Variants in YTHDC2 observed in about 807,000 individuals in gnomAD.
YTHDC2 encodes YTH N6-methyladenosine RNA binding protein C2, also known as 3'-5' RNA helicase YTHDC2.
A neutral mutation model predicts 174.9 loss-of-function variants in YTHDC2; 45 were observed. The observed-to-expected ratio is 0.26, with a 90% CI of 0.20 to 0.33. The LOEUF is 0.33. YTHDC2 is among the 10% of genes least tolerant of loss of function. The pLI is 1.00. For missense variants in YTHDC2, 1,650 were observed against 1,723.7 expected (o/e 0.96, Z 0.76); for synonymous variants, 657 against 574.5 (o/e 1.14, Z -2.05).
intron 20 of YTHDC2, chr5:113,565,589 A>G (rs750045684): frequency 1.0e-5 from 2 of 195,436 alleles, no homozygotes; most frequent in Non-Finnish European, 1.0e-5. Context: ...TTGAAAACCT[A>G]TACTTTTGTA....
At chr5:113,535,380 T>C (rs1774983322) in intron 6 of YTHDC2, among the ~76,000 whole-genome samples, 1 of 152,074 alleles carries the variant, frequency 6.6e-6, no homozygotes, top group South Asian at 2.1e-4. Flanking sequence ...GACTTGAGCA[T>C]CCATGAATTT....
chr5:113,548,857 A>AT, intron 11 of YTHDC2, 98 bp from the exon 12 acceptor site: 1 of 1,240,974 alleles, frequency 8.1e-7, no homozygotes, highest in Non-Finnish European at 1.1e-6. Context: ...TTATTTAAAA[A>AT]TTTTTTTGAA....
chr5:113,563,176 G>T (rs184905502), intron 18 of YTHDC2, among the ~76,000 whole-genome samples, 197 bp from the exon 19 acceptor site: 1 of 152,102 alleles, frequency 6.6e-6, no homozygotes, highest in East Asian at 1.9e-4. Context: ...ATTGAAGAGG[G>T]TATTTATTAA....
intron 2 of YTHDC2, among the ~76,000 whole-genome samples, chr5:113,523,600 A>T (rs1774021324): frequency 6.6e-6 from 1 of 152,168 alleles, no homozygotes; most frequent in African/African-American, 2.4e-5. Flanking sequence ...TCTTTATAGC[A>T]TCATTTTAAG....
At chr5:113,544,405 T>C (rs1305558316) in intron 10 of YTHDC2, among the ~76,000 whole-genome samples, 1 of 152,104 alleles carries the variant, frequency 6.6e-6, no homozygotes, top group East Asian at 1.9e-4. Flanking sequence ...TGCCTCAGCC[T>C]CCCAAAGTGC....
At chr5:113,543,968 CT>C (rs887670790) in intron 10 of YTHDC2, among the ~76,000 whole-genome samples, 13 of 152,120 alleles carry the variant, frequency 8.5e-5, no homozygotes, top group African/African-American at 3.1e-4. Context: ...CCTTACTCTC[CT>C]TTATTATTCT....
chr5:113,565,165 A>G (rs1777247320), intron 20 of YTHDC2, among the ~76,000 whole-genome samples: 1 of 152,230 alleles, frequency 6.6e-6, no homozygotes, highest in African/African-American at 2.4e-5. Flanking sequence ...TCTTTTTCAG[A>G]CACAGAAGAT....
intron 2 of YTHDC2, among the ~76,000 whole-genome samples, chr5:113,523,253 T>C (rs1347242375): frequency 6.6e-6 from 1 of 152,164 alleles, no homozygotes; most frequent in African/African-American, 2.4e-5. Flanking sequence ...CTTAAAAATA[T>C]GAAGTTTTTA....
Position 113,593,449 on chromosome 5 carries a change from ATTAT to A in YTHDC2, c.*8-28_*8-25del, listed in dbSNP as rs1561719212. On this transcript the variant is annotated intron_variant, in intron 29 of 29. Coordinates refer to ENST00000161863, the MANE Select transcript of YTHDC2 (RefSeq NM_022828.5). ...TTTGTGATCATTAGGAACCTTTCAG[ATTAT>A]TTATCTTTTTTTTTCCCCTTTCTTC... 7 of 1,343,428 alleles carry A rather than the reference ATTAT, an allele frequency of 5.2e-6. No individual in the cohort carries two copies. The Middle Eastern group carries it at 5.5e-4, about 107-fold the overall frequency. The allele number at this position is 1,343,428 out of a possible 1,614,324, so 83.2% of individuals were successfully genotyped here.
rs113437702 is a variant in YTHDC2 at position 113,513,922 on chromosome 5, G to A, written c.27G>A (p.Pro9=). MSRPSSVS[P]RQPAPGGGGG... is the part of the protein sequence containing the mutation. ...TGTCCAGGCCGAGCAGCGTCTCCCC[G>A]CGGCAGCCGGCTCCTGGCGGTGGCG... Residue 9 remains proline, a synonymous_variant, in exon 1 of 30, where the codon CCG becomes CCA. Transcript: ENST00000161863. The A allele has an allele frequency of 1.2e-6, 2 of 1,605,452 alleles. No homozygotes were observed. Among genetic ancestry groups the A allele is most frequent in the Non-Finnish European group, 1.7e-6 (2 of 1,176,642 alleles).
intron 14 of YTHDC2, 25 bp downstream of exon 14, chr5:113,553,711 T>C: frequency 6.2e-7 from 1 of 1,613,018 alleles, no homozygotes; most frequent in Non-Finnish European, 8.5e-7. Flanking sequence ...CTTATATCTG[T>C]TGCTTAAAAT....
At chr5:113,566,589 A>T (rs1317434378) in intron 21 of YTHDC2, among the ~76,000 whole-genome samples, 3 of 152,004 alleles carry the variant, frequency 2.0e-5, no homozygotes, top group African/African-American at 7.2e-5. Flanking sequence ...GAAGTGCCAG[A>T]GTAATATAAG....
intron 4 of YTHDC2, among the ~76,000 whole-genome samples, chr5:113,527,855 C>A (rs796381479): frequency 6.6e-6 from 1 of 152,048 alleles, no homozygotes; most frequent in Admixed American, 6.5e-5. Context: ...GTGGTGCTAT[C>A]TCGGCTTACT....
At position 113,559,442 on chromosome 5, in the gene YTHDC2, A is replaced by G. The variant is rs1776819076; in HGVS notation, c.2217-1638A>G. Among the ~76,000 whole-genome samples the G allele has an allele frequency of 2.0e-5, 3 of 152,222 alleles. No homozygotes were observed. In the South Asian group the frequency reaches 6.2e-4, roughly 32 times the overall value. ...CACATTTATGGTGACAGTGCCCTGA[A>G]GAAATCAACAGTTTACAAATGGATA... On this transcript the variant is annotated intron_variant, in intron 17 of 29. Transcript: ENST00000161863.
In YTHDC2 at chr5:113,595,278, C is replaced by G. The variant is rs1035492258; in HGVS notation, c.*1804C>G. 9.2e-5 allele frequency: 14 copies of G among 151,946 alleles called. No homozygotes were observed. The highest frequency in any genetic ancestry group is 3.4e-4 in the African/African-American group (14 of 41,416). The allele number at this position is 151,946 out of a possible 1,614,324, so 9.4% of individuals were successfully genotyped here. A position where few individuals can be genotyped will look rare whatever the true frequency, so the allele number is the denominator to read the frequency against. On this transcript the variant is annotated 3_prime_UTR_variant, in exon 30 of 30. Transcript: ENST00000161863. The stretch of plus-strand genomic sequence containing the variant: ...TAAATATACTTATTAAAATGAAATT[C>G]TATTAAGTTTTTCAGATCTTATTTC...
chr5:113,588,123 C>T (rs1191662265), intron 26 of YTHDC2, among the ~76,000 whole-genome samples: 1 of 151,964 alleles, frequency 6.6e-6, no homozygotes, highest in African/African-American at 2.4e-5. Flanking sequence ...TTTATTAATT[C>T]TATTAGCTTT....
intron 4 of YTHDC2, 149 bp from the exon 5 acceptor site, chr5:113,532,730 G>T: frequency 1.7e-6 from 1 of 594,574 alleles, no homozygotes; most frequent in Non-Finnish European, 2.7e-6. Flanking sequence ...TTTTTTAGCT[G>T]ATTACTAGTT....
chr5:113,579,893 T>A (rs1256513177), intron 24 of YTHDC2, 198 bp downstream of exon 24: 1 of 985,284 alleles, frequency 1.0e-6, no homozygotes, highest in African/African-American at 1.7e-5. Flanking sequence ...GAAAACCTAG[T>A]TGTGGCTCAT....
At position 113,513,871 on chromosome 5, in the gene YTHDC2, G is replaced by T; in HGVS notation, c.-25G>T. On this transcript the variant is annotated 5_prime_UTR_variant, in exon 1 of 30. Transcript: ENST00000161863. ...AGCTAGCAGGCCTGGCCGCTCCCGTGCGGAGAGACCATCTCTTCAGGGCAA... is the reference window on the plus strand; with the variant it reads ...AGCTAGCAGGCCTGGCCGCTCCCGTTCGGAGAGACCATCTCTTCAGGGCAA... The T allele has an allele frequency of 6.3e-7, 1 of 1,579,862 alleles. No homozygotes were observed. The highest frequency in any genetic ancestry group is 2.3e-5 in the East Asian group (1 of 43,426).
Sources: gnomAD v4.1 joint callset for allele counts (sites outside exome capture counted in the v4.1 genomes callset) on GRCh38, gnomAD v4.1.1 for gene constraint, MANE v1.5 for transcripts, NCBI Gene and HGNC (gene_info 2026-07-23, HGNC 2026-07-21) for gene names.